Variants in CACNA1C observed in about 807,000 individuals in gnomAD.
The protein encoded by CACNA1C is calcium voltage-gated channel subunit alpha1 C, also known as voltage-dependent L-type calcium channel subunit alpha-1C.
Under a neutral mutation model 229.0 loss-of-function variants are expected in CACNA1C, and 30 were observed. That is an observed-to-expected ratio of 0.13 (90% CI 0.10 to 0.18). CACNA1C has a LOEUF of 0.18. Ranked by LOEUF, CACNA1C falls within the 10% of genes least tolerant of loss-of-function variation. The probability of loss-of-function intolerance (pLI) is 1.00; values close to 1 mark genes in which losing one functional copy is unlikely to be tolerated. For synonymous variants in CACNA1C, 1,114 were observed against 1,132.5 expected (o/e 0.98, Z 0.33); for missense variants, 1,658 against 2,845.0 (o/e 0.58, Z 9.49).
intron 3 of CACNA1C, among the ~76,000 whole-genome samples, chr12:2,325,065 C>T (rs1178955738): frequency 6.6e-6 from 1 of 152,204 alleles, no homozygotes; most frequent in Admixed American, 6.5e-5. Flanking sequence ...CTGCCTGGAC[C>T]TGGGCTCTCT....
chr12:2,644,092 G>C (rs191388926), intron 30 of CACNA1C, among the ~76,000 whole-genome samples: 1 of 152,256 alleles, frequency 6.6e-6, no homozygotes, highest in South Asian at 2.1e-4. Flanking sequence ...ATATAGCAAG[G>C]GTTCTGTAGC....
intron 29 of CACNA1C, among the ~76,000 whole-genome samples, chr12:2,621,236 A>T (rs544532308): frequency 6.6e-6 from 1 of 152,250 alleles, no homozygotes; most frequent in Non-Finnish European, 1.5e-5. Flanking sequence ...CAGATGGGGT[A>T]AGGGCTGGGG....
intron 3 of CACNA1C, among the ~76,000 whole-genome samples, chr12:2,159,298 C>T (rs2095712898): frequency 6.6e-6 from 1 of 152,000 alleles, no homozygotes; most frequent in East Asian, 1.9e-4. Flanking sequence ...AGTTTGAGAC[C>T]AGCCTGGACA....
chr12:2,423,052 T>C (rs1443485974), intron 3 of CACNA1C, among the ~76,000 whole-genome samples: 1 of 152,188 alleles, frequency 6.6e-6, no homozygotes, highest in African/African-American at 2.4e-5. Flanking sequence ...GGAGCTCCGA[T>C]GTCATCTAGC....
chr12:2,137,372 A>G (rs1244784316), intron 3 of CACNA1C, among the ~76,000 whole-genome samples: 2 of 151,080 alleles, frequency 1.3e-5, no homozygotes, highest in African/African-American at 4.8e-5. Flanking sequence ...GAGAATATAG[A>G]TAGAAATGCT....
upstream of CACNA1C, among the ~76,000 whole-genome samples, chr12:2,051,500 A>G (rs541484437): frequency 1.6e-4 from 25 of 152,290 alleles, no homozygotes; most frequent in East Asian, 1.4e-3. Context: ...AAAATACCAG[A>G]GGGGAGAGGG....
intron 3 of CACNA1C, among the ~76,000 whole-genome samples, chr12:2,293,624 A>C (rs1364334788): frequency 6.6e-6 from 1 of 152,228 alleles, no homozygotes; most frequent in Non-Finnish European, 1.5e-5. Flanking sequence ...TGTATGGCCC[A>C]AGACAATTCT....
intron 11 of CACNA1C, among the ~76,000 whole-genome samples, chr12:2,565,700 G>T (rs2050468645): frequency 6.6e-6 from 1 of 152,212 alleles, no homozygotes. Flanking sequence ...GGGCTCTCAA[G>T]TAAAGGTGTG....
intron 20 of CACNA1C, 82 bp downstream of exon 20, chr12:2,596,085 C>A: frequency 1.5e-6 from 2 of 1,337,884 alleles, no homozygotes; most frequent in Non-Finnish European, 2.0e-6. Flanking sequence ...CATCATTGTT[C>A]AATCAGGAGC....
chr12:2,366,890 G>C (rs2097735120), intron 3 of CACNA1C, among the ~76,000 whole-genome samples: 2 of 152,180 alleles, frequency 1.3e-5, no homozygotes, highest in Admixed American at 6.5e-5. Context: ...GGGAGACAGA[G>C]AGAGAGCGCA....
At chr12:2,027,294 A>G (rs2047492811) in intron 1 of CACNA1C, among the ~76,000 whole-genome samples, 1 of 152,078 alleles carries the variant, frequency 6.6e-6, no homozygotes, top group South Asian at 2.1e-4. Flanking sequence ...TTTCTTGGTT[A>G]ATTGGTTCAG....
At position 2,067,151 on chromosome 12, in the gene CACNA1C, C is replaced by T. The variant is rs955353837; in HGVS notation, c.49+13540C>T. Among the ~76,000 whole-genome samples the T allele has an allele frequency of 3.3e-5, 5 of 152,074 alleles. No individual in the cohort carries two copies. The highest frequency in any genetic ancestry group is 1.2e-4 in the African/African-American group (5 of 41,408). Reference sequence around the variant, plus strand: ...GGTCTGGGGGCAAAGGGTTCTAGCTCTGTAGGAGGCGTGCCAAGCTCGAGC... The same window carrying T: ...GGTCTGGGGGCAAAGGGTTCTAGCTTTGTAGGAGGCGTGCCAAGCTCGAGC... On this transcript the variant is annotated intron_variant, in intron 1 of 46. Transcript: ENST00000399655. This position sits in a 1 kb window ranked among gnomAD's most constrained non-coding sequence, Gnocchi z 5.3.
rs1035697126 is a variant in CACNA1C at position 2,215,956 on chromosome 12, C to T, written c.477+95526C>T. Among the ~76,000 whole-genome samples, 3 of 152,236 alleles carry T rather than the reference C, an allele frequency of 2.0e-5. No individual in the cohort carries two copies. The highest frequency in any genetic ancestry group is 7.2e-5 in the African/African-American group (3 of 41,470). On this transcript the variant is annotated intron_variant, in intron 3 of 46. Transcript: ENST00000399655. The surrounding 1 kb of genome is among the most constrained non-coding windows in gnomAD (Gnocchi z 5.0). ...TCATCCTGTTCTCGAAGTCACCATG[C>T]CGCCCATCAGTTGACATGCTCTGTT...
At chr12:2,253,076 G>A (rs922093245) in intron 3 of CACNA1C, among the ~76,000 whole-genome samples, 4 of 152,184 alleles carry the variant, frequency 2.6e-5, no homozygotes, top group Non-Finnish European at 5.9e-5. Context: ...GTCCCCAGGG[G>A]AGAAGTGACC....
chr12:2,006,356 C>T (rs1432002613), intron 1 of CACNA1C, among the ~76,000 whole-genome samples: 1 of 151,948 alleles, frequency 6.6e-6, no homozygotes, highest in Non-Finnish European at 1.5e-5. Flanking sequence ...TGCAGTGAGC[C>T]GAGATCCTGC....
At chr12:1,987,910 TATC>T in intron 1 of CACNA1C, among the ~76,000 whole-genome samples, 1 of 152,358 alleles carries the variant, frequency 6.6e-6, no homozygotes, top group African/African-American at 2.4e-5. Flanking sequence ...ATGCTCCTCA[TATC>T]ATCACCAAAC....
chr12:2,270,439 G>A lies in CACNA1C; in HGVS notation c.477+150009G>A, dbSNP rs114834419. Among the ~76,000 whole-genome samples the A allele has an allele frequency of 8.0e-3, 1,222 of 152,272 alleles. 13 individuals are homozygous for A. The highest frequency in any genetic ancestry group is 0.028 in the African/African-American group (1,166 of 41,552). On this transcript the variant is annotated intron_variant, in intron 3 of 46. Coordinates refer to ENST00000399655, the MANE Select transcript of CACNA1C (RefSeq NM_000719.7). ...AGTGCCTTACACTTTCCAGAATGCC[G>A]TACTCAGTGACCCCTCATGTCAATG... is the stretch of plus-strand genomic sequence containing the variant.
chr12:2,459,292 G>A (rs190551744), intron 5 of CACNA1C, among the ~76,000 whole-genome samples: 254 of 150,736 alleles, frequency 1.7e-3, no homozygotes, highest in African/African-American at 6.0e-3. Flanking sequence ...TGAGATTACC[G>A]GCATGAGCCA....
chr12:2,559,764 A>G (rs1436170418), intron 11 of CACNA1C, among the ~76,000 whole-genome samples: 2 of 152,192 alleles, frequency 1.3e-5, no homozygotes, highest in African/African-American at 4.8e-5. Context: ...GCCCGGGAAT[A>G]GTAAACCCTG....
Sources: gnomAD v4.1 joint callset for allele counts (sites outside exome capture counted in the v4.1 genomes callset) on GRCh38, gnomAD v4.1.1 for gene constraint, Gnocchi (gnomAD v3.1) non-coding constraint, MANE v1.5 for transcripts, NCBI Gene and HGNC (gene_info 2026-07-23, HGNC 2026-07-21) for gene names.